Variants in MTUS2 observed in about 807,000 individuals in gnomAD.
MTUS2 encodes microtubule-associated tumor suppressor candidate 2.
In MTUS2, 40 loss-of-function variants were observed where a neutral mutation model predicts 114.1. The ratio of observed to expected loss-of-function variants is 0.35; its 90% confidence interval spans 0.27 to 0.46. The LOEUF is 0.46. Ranked by LOEUF, MTUS2 falls within the 20% of genes least tolerant of loss-of-function variation. The pLI is 1.00. For missense variants in MTUS2, 1,679 were observed against 1,705.4 expected (o/e 0.98, Z 0.27); for synonymous variants, 688 against 672.0 (o/e 1.02, Z -0.37).
chr13:29,377,881 A>T (rs745871413), intron 8 of MTUS2, among the ~76,000 whole-genome samples: 122 of 152,328 alleles, frequency 8.0e-4, no homozygotes, highest in Admixed American at 2.3e-3. Context: ...AGACTGACAA[A>T]GAAAGAAAAA....
intron 5 of MTUS2, among the ~76,000 whole-genome samples, chr13:29,218,665 G>C (rs1184033459): frequency 1.3e-5 from 2 of 152,176 alleles, no homozygotes; most frequent in Non-Finnish European, 2.9e-5. Context: ...ATGAAAATAA[G>C]TGTCCTTTTT....
chr13:29,417,306 A>G (rs1875741171), intron 8 of MTUS2, among the ~76,000 whole-genome samples: 1 of 152,224 alleles, frequency 6.6e-6, no homozygotes, highest in African/African-American at 2.4e-5. Context: ...CTTCCCCATG[A>G]CCCATACACC....
intron 10 of MTUS2, among the ~76,000 whole-genome samples, chr13:29,483,558 A>G (rs1237468276): frequency 6.6e-6 from 1 of 152,178 alleles, no homozygotes; most frequent in Non-Finnish European, 1.5e-5. Context: ...GGGCCCTCCC[A>G]GGGAATTTCT....
intron 4 of MTUS2, among the ~76,000 whole-genome samples, chr13:29,047,481 G>C (rs1434085881): frequency 6.6e-6 from 1 of 150,410 alleles, no homozygotes; most frequent in Admixed American, 6.6e-5. Flanking sequence ...TTTATTAGTT[G>C]AGCTATAGTT....
intron 8 of MTUS2, among the ~76,000 whole-genome samples, chr13:29,372,780 A>G (rs1178533517): frequency 4.6e-5 from 7 of 152,298 alleles, no homozygotes; most frequent in Non-Finnish European, 7.4e-5. Context: ...AATGACCATT[A>G]CTTATATGAA....
chr13:28,848,820 C>A (rs1876060157), intron 2 of MTUS2, among the ~76,000 whole-genome samples: 1 of 152,080 alleles, frequency 6.6e-6, no homozygotes, highest in Non-Finnish European at 1.5e-5. Flanking sequence ...TGTCTGGAGA[C>A]ATTTTTGGCT....
At chr13:28,904,245 G>A (rs1250677155) in intron 2 of MTUS2, among the ~76,000 whole-genome samples, 1 of 152,246 alleles carries the variant, frequency 6.6e-6, no homozygotes, top group African/African-American at 2.4e-5. Context: ...CTTTTGCTGT[G>A]CAGAAGCTCT....
intron 9 of MTUS2, among the ~76,000 whole-genome samples, chr13:29,475,335 A>G (rs1880618919): frequency 6.6e-6 from 1 of 152,256 alleles, no homozygotes; most frequent in East Asian, 1.9e-4. Context: ...ATAATACTTG[A>G]TAATATAAAT....
intron 5 of MTUS2, among the ~76,000 whole-genome samples, chr13:29,211,834 A>G (rs903422791): frequency 1.3e-5 from 2 of 150,912 alleles, no homozygotes; most frequent in African/African-American, 4.9e-5. Flanking sequence ...ACCTCTTTCA[A>G]AGGGTCTGTG....
chr13:28,841,987 A>G (rs1462207584), intron 2 of MTUS2, among the ~76,000 whole-genome samples: 2 of 152,234 alleles, frequency 1.3e-5, no homozygotes, highest in East Asian at 3.9e-4. Flanking sequence ...GCCCGGCCAA[A>G]GTTTGTTTTC....
chr13:28,974,255 C>T (rs1043398229), intron 2 of MTUS2, among the ~76,000 whole-genome samples: 7 of 152,044 alleles, frequency 4.6e-5, no homozygotes, highest in Admixed American at 1.3e-4. Flanking sequence ...TATTTTTATG[C>T]GTTTTCCAAG....
chr13:29,454,419 T>C, intron 9 of MTUS2, among the ~76,000 whole-genome samples: 1 of 152,244 alleles, frequency 6.6e-6, no homozygotes, highest in Non-Finnish European at 1.5e-5. Flanking sequence ...ACACCAGGAA[T>C]GGTTCTGACT....
At chr13:29,269,637 G>A (rs182570338) in intron 5 of MTUS2, among the ~76,000 whole-genome samples, 32 of 152,196 alleles carry the variant, frequency 2.1e-4, no homozygotes, top group Admixed American at 1.3e-3. Context: ...CAGCCATTAT[G>A]GAAAACAGTT....
chr13:29,283,476 C>G (rs1364533248), intron 6 of MTUS2, among the ~76,000 whole-genome samples: 1 of 152,132 alleles, frequency 6.6e-6, no homozygotes, highest in Non-Finnish European at 1.5e-5. Context: ...AATTTATTAA[C>G]AGTTTGGCCT....
chr13:29,371,987 C>CG (rs1871231739), intron 8 of MTUS2, among the ~76,000 whole-genome samples: 1 of 43,436 alleles, frequency 2.3e-5, no homozygotes, highest in Non-Finnish European at 5.2e-5. Flanking sequence ...CCCCCCCCCC[C>CG]ACACACACAC....
chr13:29,419,067 C>A (rs976922215), intron 8 of MTUS2, among the ~76,000 whole-genome samples: 1 of 152,192 alleles, frequency 6.6e-6, no homozygotes. Context: ...CTTTTTGTTT[C>A]TTTCACCGTT....
At chr13:29,473,614 A>T (rs536413355) in intron 9 of MTUS2, among the ~76,000 whole-genome samples, 30 of 152,304 alleles carry the variant, frequency 2.0e-4, no homozygotes, top group Admixed American at 1.6e-3. Flanking sequence ...ATAATATTTT[A>T]GGTATTTTTA....
chr13:29,128,752 A>T (rs929900456), intron 5 of MTUS2, among the ~76,000 whole-genome samples: 5 of 152,002 alleles, frequency 3.3e-5, no homozygotes, highest in African/African-American at 9.7e-5. Flanking sequence ...ATTCAAACAT[A>T]AAAAAAATGC....
chr13:28,820,175 C>G (rs1383596815), upstream of MTUS2, among the ~76,000 whole-genome samples: 2 of 146,638 alleles, frequency 1.4e-5, no homozygotes, highest in Non-Finnish European at 3.0e-5. Context: ...GAGGAGCAGC[C>G]GCGGCCGCGG....
Sources: allele counts gnomAD v4.1 joint callset (sites outside exome capture counted in the v4.1 genomes callset), GRCh38; gene constraint gnomAD v4.1.1; transcripts MANE v1.5; gene names NCBI Gene and HGNC (gene_info 2026-07-23, HGNC 2026-07-21).